The following PRKCZ variants were observed in gnomAD, a reference collection of about 807,000 sequenced individuals.
PRKCZ encodes the protein protein kinase C zeta type.
Under a neutral mutation model 79.5 loss-of-function variants are expected in PRKCZ, and 33 were observed. The ratio of observed to expected loss-of-function variants is 0.41; its 90% confidence interval spans 0.31 to 0.55. PRKCZ has a LOEUF of 0.55. Ranked by LOEUF, PRKCZ falls within the 20% of genes least tolerant of loss-of-function variation. The pLI is 0.19. For synonymous variants in PRKCZ, 342 were observed against 320.9 expected, an observed-to-expected ratio of 1.07 and a Z score of -0.70; for missense variants, 578 against 813.5, an observed-to-expected ratio of 0.71 and a Z score of 3.52.
At chr1:2,158,129 G>C (rs561684645) in intron 10 of PRKCZ, among the ~76,000 whole-genome samples, 2 of 152,318 alleles carry the variant, frequency 1.3e-5, no homozygotes, top group South Asian at 4.1e-4. Flanking sequence ...CCTGCTCTAC[G>C]TGCGGTGCCG....
intron 10 of PRKCZ, among the ~76,000 whole-genome samples, chr1:2,163,857 C>T (rs1682800683): frequency 6.6e-6 from 1 of 151,954 alleles, no homozygotes; most frequent in South Asian, 2.1e-4. Flanking sequence ...GGAGATTGCA[C>T]CACTGCACTC....
chr1:2,091,969 T>C (rs139322219), intron 4 of PRKCZ, among the ~76,000 whole-genome samples: 95 of 152,336 alleles, frequency 6.2e-4, no homozygotes, highest in African/African-American at 2.1e-3. Context: ...AGAAGACTCA[T>C]GTAGAATGGA....
chr1:2,154,195 G>A (rs928930669), intron 9 of PRKCZ, among the ~76,000 whole-genome samples: 1 of 152,238 alleles, frequency 6.6e-6, no homozygotes. Context: ...AGCCACTGGA[G>A]ATGGGAGGAG....
chr1:2,158,604 C>A (rs867905598), intron 10 of PRKCZ, among the ~76,000 whole-genome samples: 1 of 152,244 alleles, frequency 6.6e-6, no homozygotes, highest in Non-Finnish European at 1.5e-5. Context: ...CCCGGCCCCC[C>A]ACACTTCCTA....
chr1:2,152,410 C>T (rs1051918266), intron 9 of PRKCZ, among the ~76,000 whole-genome samples: 1 of 152,050 alleles, frequency 6.6e-6, no homozygotes, highest in Non-Finnish European at 1.5e-5. Context: ...GCGCACACCT[C>T]TAATCCCAGC....
chr1:2,077,352 G>A (rs1443252698), intron 4 of PRKCZ, among the ~76,000 whole-genome samples: 1 of 152,182 alleles, frequency 6.6e-6, no homozygotes, highest in Admixed American at 6.5e-5. Flanking sequence ...AGACGGAGCC[G>A]CCCTGTGTCT....
intron 10 of PRKCZ, among the ~76,000 whole-genome samples, chr1:2,167,758 C>G (rs1172132507): frequency 1.3e-5 from 2 of 152,182 alleles, no homozygotes; most frequent in Non-Finnish European, 2.9e-5. Context: ...GTGCACACCA[C>G]CAGCCCTGGG....
At chr1:2,176,141 T>G (rs910736695) in intron 16 of PRKCZ, among the ~76,000 whole-genome samples, 1 of 152,172 alleles carries the variant, frequency 6.6e-6, no homozygotes, top group African/African-American at 2.4e-5. Context: ...CGGTAGAAAC[T>G]ACTTTGAGTT....
rs138111892 is a variant in PRKCZ, at chr1:2,057,017, C to T, written c.283+444C>T. On this transcript the variant is annotated intron_variant, in intron 3 of 17. Transcript: ENST00000378567. ...TGCTGGGATTACAGATGTGAGCCAC[C>T]GCGCCCGGCCTTTTCTTTGACATTT... is the stretch of plus-strand genomic sequence containing the variant. Among the ~76,000 whole-genome samples, 461 of 152,268 alleles carry T rather than the reference C, an allele frequency of 3.0e-3. 3 individuals carry two copies. Among genetic ancestry groups the T allele is most frequent in the African/African-American group, 0.011 (450 of 41,572 alleles).
chr1:2,173,964 C>T lies in PRKCZ; in HGVS notation c.1353C>T (p.Phe451=), dbSNP rs9629827. The change falls in exon 14 of 18, where the codon TTC becomes TTT. Residue 451 remains phenylalanine, a synonymous_variant. Transcript: ENST00000378567. This position sits in a 1 kb window ranked among gnomAD's most constrained non-coding sequence, Gnocchi z 5.7. ...AGATGATGGCCGGGCGCTCCCCGTT[C>T]GACATCATCACCGACAACCCGGACA... ...MFEMMAGRSP[F]DIITDNPDMN... 15 of 1,612,652 alleles carry T rather than the reference C, an allele frequency of 9.3e-6. No individual in the cohort carries two copies. Among genetic ancestry groups the T allele is most frequent in the Non-Finnish European group, 1.2e-5 (14 of 1,179,478 alleles).
chr1:2,126,064 A>G (rs75604597), intron 4 of PRKCZ, among the ~76,000 whole-genome samples: 3,291 of 151,960 alleles, frequency 0.022, 132 homozygotes, highest in African/African-American at 0.073. Context: ...GCCCTGGGGC[A>G]GCGTCACCTG....
chr1:2,155,385 A>G (rs1680789634), intron 9 of PRKCZ, among the ~76,000 whole-genome samples: 1 of 151,134 alleles, frequency 6.6e-6, no homozygotes, highest in Admixed American at 6.6e-5. Context: ...AGTGGTGATG[A>G]TGGAGATGGT....
At chr1:2,099,600 G>A (rs1439278913) in intron 4 of PRKCZ, among the ~76,000 whole-genome samples, 1 of 152,184 alleles carries the variant, frequency 6.6e-6, no homozygotes, top group Non-Finnish European at 1.5e-5. Flanking sequence ...CAAGGACCCT[G>A]TGGGCAGCCG....
rs142529488 is a variant in PRKCZ, at chr1:2,078,635, C to T, written c.334+19044C>T. On this transcript the variant is annotated intron_variant, in intron 4 of 17. Coordinates refer to ENST00000378567, the MANE Select transcript of PRKCZ (RefSeq NM_002744.6). ...GTTATTTATCACATGGCCGACTCCC[C>T]GTCTCTGACTCTCTTTTAGAGTTAA... Among the ~76,000 whole-genome samples, 305 of 152,272 alleles carry T rather than the reference C, an allele frequency of 2.0e-3. 3 individuals are homozygous for T. The highest frequency in any genetic ancestry group is 6.6e-3 in the African/African-American group (273 of 41,546).
At chr1:2,057,314 G>C (rs1311704567) in intron 3 of PRKCZ, among the ~76,000 whole-genome samples, 1 of 152,200 alleles carries the variant, frequency 6.6e-6, no homozygotes, top group African/African-American at 2.4e-5. Context: ...CGGTACTGCT[G>C]GGGGTCTGCA....
intron 16 of PRKCZ, among the ~76,000 whole-genome samples, chr1:2,180,529 T>C (rs766460812): frequency 8.7e-5 from 13 of 148,784 alleles, no homozygotes; most frequent in Non-Finnish European, 1.2e-4. Context: ...ACAGATGACG[T>C]GGACGCACGG....
At chr1:2,073,493 A>C in intron 4 of PRKCZ, 1 of 442,700 alleles carries the variant, frequency 2.3e-6, no homozygotes, top group Non-Finnish European at 3.0e-6. Flanking sequence ...CCCCGGGCTT[A>C]GCTGGGTTCT....
chr1:2,154,021 A>G (rs764739122), intron 9 of PRKCZ, among the ~76,000 whole-genome samples: 18 of 152,186 alleles, frequency 1.2e-4, no homozygotes, highest in Non-Finnish European at 2.1e-4. Flanking sequence ...TGCTGTGTCC[A>G]GGAGGTTCCA....
At position 2,173,046 on chromosome 1, in the gene PRKCZ, C is replaced by T. The variant is rs932341786; in HGVS notation, c.1285+658C>T. On this transcript the variant is annotated intron_variant, in intron 13 of 17. Transcript: ENST00000378567. This position sits in a 1 kb window ranked among gnomAD's most constrained non-coding sequence, Gnocchi z 5.7. ...GCCGTTGGGCTGAGTGTTCGTGTGTCGGGCATCCATGTGTGTTGTGTGCAC... is the reference window on the plus strand; with the variant it reads ...GCCGTTGGGCTGAGTGTTCGTGTGTTGGGCATCCATGTGTGTTGTGTGCAC... Among the ~76,000 whole-genome samples, 2 of 152,140 alleles carry T rather than the reference C, an allele frequency of 1.3e-5. No homozygotes were observed. The highest frequency in any genetic ancestry group is 2.9e-5 in the Non-Finnish European group (2 of 68,022).
Sources: allele counts gnomAD v4.1 joint callset (sites outside exome capture counted in the v4.1 genomes callset), GRCh38; gene constraint gnomAD v4.1.1; non-coding constraint Gnocchi (gnomAD v3.1); transcripts MANE v1.5; gene names NCBI Gene and HGNC (gene_info 2026-07-23, HGNC 2026-07-21).